Variants in PMFBP1 observed in about 807,000 individuals in gnomAD.
The protein encoded by PMFBP1 is polyamine-modulated factor 1-binding protein 1.
A neutral mutation model predicts 137.8 loss-of-function variants in PMFBP1; 131 were observed. The ratio of observed to expected loss-of-function variants is 0.95; its 90% CI spans 0.82 to 1.10. The LOEUF is 1.10. PMFBP1 is among the 50% of genes least tolerant of loss of function. The pLI, the probability that PMFBP1 is intolerant of heterozygous loss-of-function variation, is 0.00. For synonymous variants in PMFBP1, 490 were observed against 450.4 expected, an observed-to-expected ratio of 1.09 and a Z score of -1.11; for missense variants, 1,199 against 1,175.4, an observed-to-expected ratio of 1.02 and a Z score of -0.29.
the PMFBP1 span, among the ~76,000 whole-genome samples, chr16:72,203,610 G>A: frequency 6.6e-6 from 1 of 152,084 alleles, no homozygotes; most frequent in Admixed American, 6.5e-5. Context: ...AGGGTTTTCT[G>A]TGGCAAGTAC....
the PMFBP1 span, among the ~76,000 whole-genome samples, chr16:72,245,943 G>T: frequency 1.5e-4 from 23 of 152,162 alleles, 1 homozygote; most frequent in African/African-American, 5.3e-4. Flanking sequence ...GATCAAAACT[G>T]CTTCTCGGGA....
upstream of PMFBP1, among the ~76,000 whole-genome samples, chr16:72,181,237 C>CA (rs57619423): frequency 1.2e-3 from 154 of 130,324 alleles, 1 homozygote; most frequent in Middle Eastern, 4.3e-3. Flanking sequence ...GACTTCATCT[C>CA]AAAAAAAAAA....
chr16:72,132,921 A>T lies in PMFBP1; in HGVS notation c.1274T>A (p.Leu425Gln), dbSNP rs2042570938. The change falls in exon 10 of 21, where the codon CTG (leucine) becomes CAG (glutamine). Residue 425 changes from leucine to glutamine, a missense_variant. Physicochemically the swap from Leu to Gln is moderately radical, Grantham distance 113 (BLOSUM62 -2). Transcript: ENST00000237353. ...CTTCTCCAGCTCCTTCTCCTTTTTC[A>T]GGAGGCTGTTCTGAACCTGTGTCAG... ...KKLTQVQNSL[L>Q]KKEKELEKQQ... is the part of the protein sequence containing the mutation. 1.2e-6 allele frequency: 2 copies of T among 1,614,128 alleles called. No homozygotes were observed. Among genetic ancestry groups the T allele is most frequent in the Non-Finnish European group, 1.7e-6 (2 of 1,180,008 alleles).
the PMFBP1 span, among the ~76,000 whole-genome samples, chr16:72,242,763 A>C: frequency 1.3e-5 from 2 of 152,386 alleles, no homozygotes; most frequent in East Asian, 3.9e-4. Context: ...TGTAAGGGCT[A>C]TTATTGAGAA....
chr16:72,166,135 G>A (rs1437955542), intron 2 of PMFBP1, among the ~76,000 whole-genome samples: 1 of 152,194 alleles, frequency 6.6e-6, no homozygotes, highest in Non-Finnish European at 1.5e-5. Flanking sequence ...TTCATGGTCA[G>A]TACATGGTTT....
chr16:72,208,352 C>A, the PMFBP1 span, among the ~76,000 whole-genome samples: 5 of 152,038 alleles, frequency 3.3e-5, no homozygotes, highest in Admixed American at 2.0e-4. Context: ...GCAGAAAAAT[C>A]TGAATGGGCA....
chr16:72,220,335 A>G, the PMFBP1 span, among the ~76,000 whole-genome samples: 63 of 152,256 alleles, frequency 4.1e-4, no homozygotes, highest in Non-Finnish European at 7.6e-4. Flanking sequence ...TAGATGGAAT[A>G]TTAAACAGCC....
the PMFBP1 span, among the ~76,000 whole-genome samples, chr16:72,223,779 C>CCCTCT: frequency 1.1e-4 from 17 of 152,276 alleles, no homozygotes; most frequent in South Asian, 3.5e-3. Context: ...GATGGGGCTA[C>CCCTCT]AGGACTTACC....
chr16:72,132,651 G>A (rs1166556429), intron 10 of PMFBP1, 97 bp downstream of exon 10: 21 of 1,560,692 alleles, frequency 1.3e-5, no homozygotes, highest in South Asian at 1.1e-4. Flanking sequence ...GGAGGAGGGC[G>A]AGGGGAAGTG....
chr16:72,167,257 G>A (rs1044879138), intron 2 of PMFBP1, among the ~76,000 whole-genome samples: 2 of 152,136 alleles, frequency 1.3e-5, no homozygotes, highest in Non-Finnish European at 2.9e-5. Context: ...TGCTGTCTCC[G>A]CTGATTTATT....
chr16:72,139,911 TC>T lies in PMFBP1; in HGVS notation c.807+500del, dbSNP rs2042690345. On this transcript the variant is annotated intron_variant, in intron 6 of 20. Transcript: ENST00000237353. ...AGTGAAACCCCCTCTTCACTTATTCTCCCTTCTCTCACTTCCACTAAGGGAG... is the reference window on the plus strand; with the variant it reads ...AGTGAAACCCCCTCTTCACTTATTCTCCTTCTCTCACTTCCACTAAGGGAG... Among the ~76,000 whole-genome samples the T allele has an allele frequency of 2.6e-5, 4 of 152,348 alleles. No individual in the cohort carries two copies. In the South Asian group the frequency reaches 8.3e-4, roughly 32 times the overall value.
intron 16 of PMFBP1, 25 bp from the exon 17 acceptor site, chr16:72,124,959 G>T (rs1394903042): frequency 8.7e-6 from 14 of 1,608,120 alleles, no homozygotes; most frequent in Non-Finnish European, 1.1e-5. Flanking sequence ...AAAGTGAGGA[G>T]GGGGACTCCA....
upstream of PMFBP1, among the ~76,000 whole-genome samples, chr16:72,177,577 T>C (rs1043145709): frequency 5.3e-5 from 8 of 152,180 alleles, no homozygotes; most frequent in African/African-American, 1.9e-4. Context: ...AGAGTTCCTG[T>C]ATACCCTTTC....
chr16:72,182,793 G>C, the PMFBP1 span, among the ~76,000 whole-genome samples: 1 of 152,172 alleles, frequency 6.6e-6, no homozygotes, highest in South Asian at 2.1e-4. Context: ...TAACAGTCCT[G>C]TTGGTTTCAA....
chr16:72,166,641 T>A (rs2043149191), intron 2 of PMFBP1, among the ~76,000 whole-genome samples: 1 of 152,168 alleles, frequency 6.6e-6, no homozygotes, highest in Non-Finnish European at 1.5e-5. Flanking sequence ...TAGGTACATT[T>A]TCAGAGAGTC....
At chr16:72,206,732 T>A in the PMFBP1 span, among the ~76,000 whole-genome samples, 1 of 152,190 alleles carries the variant, frequency 6.6e-6, no homozygotes, top group Non-Finnish European at 1.5e-5. Flanking sequence ...GCGCACTGCT[T>A]TTAGCTGAAC....
intron 2 of PMFBP1, among the ~76,000 whole-genome samples, chr16:72,170,612 G>A (rs914269011): frequency 1.3e-5 from 2 of 151,852 alleles, no homozygotes; most frequent in African/African-American, 4.8e-5. Context: ...TTTATTTTTT[G>A]TAGAGACAGG....
chr16:72,182,078 G>C, the PMFBP1 span, among the ~76,000 whole-genome samples: 1 of 152,238 alleles, frequency 6.6e-6, no homozygotes, highest in African/African-American at 2.4e-5. Context: ...CCGCTGATTA[G>C]ACAAGCTTGG....
chr16:72,171,671 G>A (rs1567645098), intron 1 of PMFBP1: 2 of 158,094 alleles, frequency 1.3e-5, no homozygotes, highest in African/African-American at 2.4e-5. Flanking sequence ...GGGAGGCAGG[G>A]ACTACTACTA....
Sources: gnomAD v4.1 joint callset for allele counts (sites outside exome capture counted in the v4.1 genomes callset) on GRCh38, gnomAD v4.1.1 for gene constraint, MANE v1.5 for transcripts, NCBI Gene and HGNC (gene_info 2026-07-23, HGNC 2026-07-21) for gene names.